The following MED27 variants were observed in gnomAD, a reference collection of about 807,000 sequenced individuals.
MED27 encodes the protein mediator complex subunit 27, also known as mediator of RNA polymerase II transcription subunit 27.
MED27 carries 30 observed loss-of-function variants against 38.2 expected under a neutral mutation model. That is an observed-to-expected ratio of 0.79 (90% confidence interval 0.59 to 1.07). MED27 has a LOEUF of 1.07. Ranked by LOEUF, MED27 falls within the 50% of genes least tolerant of loss-of-function variation. The pLI is 0.00. For missense variants in MED27, 289 were observed against 397.5 expected (o/e 0.73, Z 2.32); for synonymous variants, 122 against 153.5 (o/e 0.79, Z 1.52).
intron 4 of MED27, among the ~76,000 whole-genome samples, chr9:131,898,036 C>T (rs1222044157): frequency 6.6e-6 from 1 of 151,574 alleles, no homozygotes; most frequent in Admixed American, 6.6e-5. Flanking sequence ...CAGTGGTATA[C>T]TTTAACATGC....
At chr9:132,007,358 T>C (rs1437269317) in intron 3 of MED27, among the ~76,000 whole-genome samples, 2 of 151,912 alleles carry the variant, frequency 1.3e-5, no homozygotes, top group Non-Finnish European at 2.9e-5. Context: ...ATCGAAAAAA[T>C]ACTATTCAGC....
intron 2 of MED27, among the ~76,000 whole-genome samples, chr9:132,015,556 C>T (rs750279472): frequency 2.9e-4 from 44 of 152,142 alleles, no homozygotes; most frequent in Non-Finnish European, 5.1e-4. Context: ...ACCTGTATAA[C>T]TACCACCCCA....
chr9:132,077,402 G>GC, intron 2 of MED27, 40 bp downstream of exon 2: 1 of 1,582,846 alleles, frequency 6.3e-7, no homozygotes, highest in South Asian at 1.1e-5. Context: ...AGAAAACTTG[G>GC]TTTTCCATAT....
At chr9:131,887,906 T>C (rs1839167253) in intron 5 of MED27, among the ~76,000 whole-genome samples, 1 of 151,790 alleles carries the variant, frequency 6.6e-6, no homozygotes, top group East Asian at 1.9e-4. Flanking sequence ...ATTTTAAGGG[T>C]GGGGTGTGGT....
At chr9:132,002,333 TC>T (rs1376947590) in intron 3 of MED27, among the ~76,000 whole-genome samples, 1 of 152,196 alleles carries the variant, frequency 6.6e-6, no homozygotes, top group African/African-American at 2.4e-5. Context: ...TATTAAGAAT[TC>T]CTGTGTATCT....
intron 2 of MED27, 134 bp downstream of exon 2, chr9:132,077,308 C>T (rs1834073645): frequency 1.1e-6 from 1 of 892,298 alleles, no homozygotes; most frequent in Non-Finnish European, 1.7e-6. Flanking sequence ...AATTCTACAA[C>T]TTCCAACTCT....
At chr9:131,979,326 G>T (rs540367610) in intron 3 of MED27, among the ~76,000 whole-genome samples, 1 of 152,124 alleles carries the variant, frequency 6.6e-6, no homozygotes, top group South Asian at 2.1e-4. Context: ...AAGATCCAGA[G>T]TATCTCTGCA....
chr9:131,876,069 T>C (rs1392063783), intron 6 of MED27, among the ~76,000 whole-genome samples: 1 of 152,178 alleles, frequency 6.6e-6, no homozygotes, highest in Non-Finnish European at 1.5e-5. Context: ...GAGGTCAGCC[T>C]GGGCTTAGAG....
intron 4 of MED27, among the ~76,000 whole-genome samples, chr9:131,915,129 G>A (rs1332927582): frequency 6.6e-6 from 1 of 152,168 alleles, no homozygotes; most frequent in African/African-American, 2.4e-5. Context: ...GGGAGTAGGA[G>A]TAGACAGAGA....
chr9:131,960,111 C>T lies in MED27; in HGVS notation c.480-20637G>A, dbSNP rs143389307. 2.6e-4 allele frequency among the ~76,000 whole-genome samples: 40 copies of T among 152,274 alleles called. No individual in the cohort carries two copies. The East Asian group carries it at 6.0e-3, about 23-fold the overall frequency. On this transcript the variant is annotated intron_variant, in intron 3 of 7. Coordinates refer to ENST00000292035, the MANE Select transcript of MED27 (RefSeq NM_004269.4). ...GGCATGTGTAATTAAAGGGCACATA[C>T]CTCATCTGTCTTTCACTTGAGGATC... is the stretch of plus-strand genomic sequence containing the variant.
intron 2 of MED27, among the ~76,000 whole-genome samples, chr9:132,062,599 G>A (rs1833721247): frequency 6.8e-6 from 1 of 147,038 alleles, no homozygotes; most frequent in African/African-American, 2.5e-5. Context: ...CTGAGCACGA[G>A]AAGGAGTCAT....
At chr9:132,019,019 G>A (rs1832664763) in intron 2 of MED27, among the ~76,000 whole-genome samples, 1 of 152,024 alleles carries the variant, frequency 6.6e-6, no homozygotes, top group Admixed American at 6.6e-5. Context: ...CCCACAGGAG[G>A]GCAGAAGAGA....
chr9:132,034,095 A>G (rs1476964478), intron 2 of MED27, among the ~76,000 whole-genome samples: 1 of 152,208 alleles, frequency 6.6e-6, no homozygotes, highest in African/African-American at 2.4e-5. Context: ...AGTCATGAGT[A>G]CCGCTGCAAT....
intron 6 of MED27, among the ~76,000 whole-genome samples, chr9:131,863,388 C>T (rs3802353): frequency 0.55 from 83,293 of 152,040 alleles, 24,250 homozygotes; most frequent in Middle Eastern, 0.66. Flanking sequence ...ATTCCAGCAA[C>T]GGAAAGCCTG....
chr9:131,884,144 T>C, intron 5 of MED27, 45 bp from the exon 6 acceptor site: 1 of 1,510,772 alleles, frequency 6.6e-7, no homozygotes, highest in Non-Finnish European at 9.0e-7. Flanking sequence ...GTCTTAGAAT[T>C]CGGGACTTCA....
intron 4 of MED27, among the ~76,000 whole-genome samples, chr9:131,929,358 C>A (rs960752989): frequency 1.3e-5 from 2 of 152,192 alleles, no homozygotes; most frequent in African/African-American, 2.4e-5. Flanking sequence ...GTAAAAGGGA[C>A]TTTGCCTTGC....
intron 2 of MED27, among the ~76,000 whole-genome samples, chr9:132,030,860 A>G (rs1832944320): frequency 6.6e-6 from 1 of 152,240 alleles, no homozygotes; most frequent in Admixed American, 6.5e-5. Context: ...TGAGCCTACA[A>G]GGACAAAGAG....
intron 6 of MED27, among the ~76,000 whole-genome samples, chr9:131,865,160 AC>A (rs1276877655): frequency 6.6e-6 from 1 of 152,266 alleles, no homozygotes; most frequent in Non-Finnish European, 1.5e-5. Context: ...CTTGTAGCCA[AC>A]ACTGTTGAGA....
chr9:132,070,373 T>C (rs925272872), intron 2 of MED27, among the ~76,000 whole-genome samples: 7 of 152,034 alleles, frequency 4.6e-5, no homozygotes, highest in African/African-American at 1.4e-4. Flanking sequence ...CTGGGCGACA[T>C]AGTGAGACCC....
Sources: allele counts gnomAD v4.1 joint callset (sites outside exome capture counted in the v4.1 genomes callset), GRCh38; gene constraint gnomAD v4.1.1; transcripts MANE v1.5; gene names NCBI Gene and HGNC (gene_info 2026-07-23, HGNC 2026-07-21).